PAPPA2: variants seen among roughly 807,000 people sequenced by gnomAD.
The protein encoded by PAPPA2 is pappalysin 2, also known as pappalysin-2.
In PAPPA2, 86 loss-of-function variants were observed where a neutral mutation model predicts 176.4. That is an observed-to-expected ratio of 0.49 (90% CI 0.41 to 0.58). The LOEUF (loss-of-function observed/expected upper bound fraction) is 0.58. Ranked by LOEUF, PAPPA2 falls within the 20% of genes least tolerant of loss-of-function variation. The pLI is 0.00. For synonymous variants in PAPPA2, 809 were observed against 852.2 expected, an observed-to-expected ratio of 0.95 and a Z score of 0.88; for missense variants, 2,073 against 2,256.9, an observed-to-expected ratio of 0.92 and a Z score of 1.65.
At chr1:176,588,215 C>T (rs1573085352) in intron 2 of PAPPA2, among the ~76,000 whole-genome samples, 1 of 152,144 alleles carries the variant, frequency 6.6e-6, no homozygotes, top group East Asian at 1.9e-4. Context: ...CTCCACTTGT[C>T]TGTTGTTGGT....
intron 1 of PAPPA2, among the ~76,000 whole-genome samples, chr1:176,499,556 T>G (rs1647832915): frequency 6.6e-6 from 1 of 152,148 alleles, no homozygotes; most frequent in African/African-American, 2.4e-5. Flanking sequence ...GATCTCTACT[T>G]CTGTGGAGTG....
intron 1 of PAPPA2, among the ~76,000 whole-genome samples, chr1:176,482,954 A>G (rs1652471829): frequency 6.6e-6 from 1 of 152,162 alleles, no homozygotes; most frequent in African/African-American, 2.4e-5. Context: ...TCCTAAGGAA[A>G]ATCAGAGCTC....
intron 2 of PAPPA2, among the ~76,000 whole-genome samples, chr1:176,571,068 G>A (rs1420189127): frequency 1.3e-5 from 2 of 152,074 alleles, no homozygotes; most frequent in African/African-American, 4.8e-5. Flanking sequence ...AACACCCAGG[G>A]CAGGGCCTGC....
intron 21 of PAPPA2, among the ~76,000 whole-genome samples, chr1:176,808,792 G>T (rs540197027): frequency 6.6e-6 from 1 of 152,124 alleles, no homozygotes; most frequent in African/African-American, 2.4e-5. Context: ...GATATAAAAA[G>T]ATTAATAATA....
intron 1 of PAPPA2, among the ~76,000 whole-genome samples, chr1:176,500,939 G>C (rs1647923319): frequency 6.6e-6 from 1 of 151,872 alleles, no homozygotes; most frequent in South Asian, 2.1e-4. Context: ...CAGTATATTA[G>C]TACCCAGAAG....
At chr1:176,769,515 A>G in intron 15 of PAPPA2, 92 bp from the exon 16 acceptor site, 1 of 1,340,510 alleles carries the variant, frequency 7.5e-7, no homozygotes, top group South Asian at 1.3e-5. Context: ...AAATGTTTAG[A>G]CAGATAATCA....
At chr1:176,765,061 G>C (rs1663902567) in intron 14 of PAPPA2, among the ~76,000 whole-genome samples, 1 of 152,190 alleles carries the variant, frequency 6.6e-6, no homozygotes, top group African/African-American at 2.4e-5. Flanking sequence ...CCAGTAATCG[G>C]TTCAATTTCT....
At chr1:176,608,457 T>G (rs1654734907) in intron 3 of PAPPA2, among the ~76,000 whole-genome samples, 1 of 152,228 alleles carries the variant, frequency 6.6e-6, no homozygotes, top group South Asian at 2.1e-4. Context: ...CATACCATCT[T>G]ATGAATTTGC....
intron 1 of PAPPA2, among the ~76,000 whole-genome samples, chr1:176,525,555 A>G (rs550775815): frequency 3.4e-4 from 52 of 152,348 alleles, no homozygotes; most frequent in Non-Finnish European, 6.5e-4. Context: ...CCTGGAGAAC[A>G]TTAAAAAAAA....
rs1665292380 is a variant in PAPPA2 at position 176,793,723 on chromosome 1, T to G, written c.5130+54T>G. ...AAGACATGAGTCTGCTGAGCAACAC[T>G]TGGAGCATTATTTTTTGGAGTAATT... is the stretch of plus-strand genomic sequence containing the variant. On this transcript the variant is annotated intron_variant, in intron 20 of 22. Transcript: ENST00000367662. 28 of 1,360,862 alleles carry G rather than the reference T, an allele frequency of 2.1e-5. 1 individual carries two copies. In the South Asian group the frequency reaches 3.4e-4, roughly 17 times the overall value. The allele number at this position is 1,360,862 out of a possible 1,614,324, so 84.3% of individuals were successfully genotyped here.
At chr1:176,764,865 G>A (rs567513681) in intron 14 of PAPPA2, among the ~76,000 whole-genome samples, 9 of 152,186 alleles carry the variant, frequency 5.9e-5, no homozygotes, top group African/African-American at 1.7e-4. Flanking sequence ...CAAAGCGCTG[G>A]GATTATGGGC....
intron 11 of PAPPA2, among the ~76,000 whole-genome samples, chr1:176,711,332 G>A (rs1661132174): frequency 6.6e-6 from 1 of 152,184 alleles, no homozygotes; most frequent in Admixed American, 6.5e-5. Context: ...AGATTCTGAG[G>A]TAATGACCGC....
chr1:176,789,282 C>T (rs1665073632), intron 17 of PAPPA2, among the ~76,000 whole-genome samples: 1 of 152,072 alleles, frequency 6.6e-6, no homozygotes, highest in African/African-American at 2.4e-5. Flanking sequence ...AACCATCATT[C>T]TCAGCAAACT....
intron 1 of PAPPA2, among the ~76,000 whole-genome samples, chr1:176,473,547 A>G (rs1651980829): frequency 1.3e-5 from 2 of 152,186 alleles, no homozygotes; most frequent in South Asian, 4.1e-4. Flanking sequence ...GTAAATACCA[A>G]AAAAATGTAA....
chr1:176,500,567 G>A (rs1437553764), intron 1 of PAPPA2, among the ~76,000 whole-genome samples: 1 of 149,938 alleles, frequency 6.7e-6, no homozygotes, highest in Non-Finnish European at 1.5e-5. Flanking sequence ...AGTTAACTTA[G>A]TTCACATCCT....
At chr1:176,791,141 A>T (rs1248610742) in intron 18 of PAPPA2, among the ~76,000 whole-genome samples, 2 of 142,306 alleles carry the variant, frequency 1.4e-5, no homozygotes, top group Non-Finnish European at 3.0e-5. Context: ...AAAAATTGTC[A>T]TCATGATTCC....
chr1:176,623,712 T>TC (rs1655807012), intron 3 of PAPPA2, among the ~76,000 whole-genome samples: 1 of 42,114 alleles, frequency 2.4e-5, no homozygotes, highest in Non-Finnish European at 4.3e-5. Context: ...CTTTCTTTTC[T>TC]TCTTTCTTTC....
chr1:176,737,844 A>T (rs1460245930), intron 12 of PAPPA2, among the ~76,000 whole-genome samples: 1 of 152,070 alleles, frequency 6.6e-6, no homozygotes, highest in Non-Finnish European at 1.5e-5. Flanking sequence ...ACCTTTATTA[A>T]CTAGCTTAAG....
chr1:176,721,799 T>G (rs1434767374), intron 12 of PAPPA2, among the ~76,000 whole-genome samples: 1 of 152,164 alleles, frequency 6.6e-6, no homozygotes, highest in Non-Finnish European at 1.5e-5. Flanking sequence ...GCTTAGTGTC[T>G]TAGTTTCAAA....
Sources: allele counts gnomAD v4.1 joint callset (sites outside exome capture counted in the v4.1 genomes callset), GRCh38; gene constraint gnomAD v4.1.1; transcripts MANE v1.5; gene names NCBI Gene and HGNC (gene_info 2026-07-23, HGNC 2026-07-21).